TRPM3: variants seen among roughly 807,000 people sequenced by gnomAD.
TRPM3 encodes transient receptor potential cation channel subfamily M member 3, also known as long transient receptor potential channel 3.
TRPM3 carries 77 observed loss-of-function variants against 181.2 expected under a neutral mutation model. The ratio of observed to expected loss-of-function variants is 0.42; its 90% confidence interval spans 0.35 to 0.51. TRPM3 has a LOEUF of 0.51. Ranked by LOEUF, TRPM3 falls within the 20% of genes least tolerant of loss-of-function variation. The probability of loss-of-function intolerance (pLI) is 0.01; values close to 1 mark genes in which losing one functional copy is unlikely to be tolerated. For synonymous variants in TRPM3, 745 were observed against 796.4 expected (o/e 0.94, Z 1.09); for missense variants, 1,759 against 2,196.7 (o/e 0.80, Z 3.98).
intron 1 of TRPM3, among the ~76,000 whole-genome samples, chr9:70,992,595 G>A (rs1157395068): frequency 1.3e-5 from 2 of 152,210 alleles, no homozygotes; most frequent in African/African-American, 4.8e-5. Context: ...GTACAATACA[G>A]TAGCTGCTAG....
chr9:70,671,391 C>T (rs953495131), intron 9 of TRPM3, among the ~76,000 whole-genome samples: 1 of 151,876 alleles, frequency 6.6e-6, no homozygotes, highest in Non-Finnish European at 1.5e-5. Context: ...CCTGGAGCAA[C>T]CTGACCCTTA....
In TRPM3 at chr9:71,121,273, C is replaced by T. The variant is rs923931009; in HGVS notation, c.82G>A (p.Gly28Arg). The part of the protein sequence containing the change: ...SFLFSWWNLE[G>R]VMNQADAPRP... ...GGAGCATCAGCCTGATTCATGACCCCTTCCAAATTCCACCAGGAAAACAAG... is the reference window on the plus strand; with the variant it reads ...GGAGCATCAGCCTGATTCATGACCCTTTCCAAATTCCACCAGGAAAACAAG... Residue 28 changes from glycine (G) to arginine (R), a missense_variant, in exon 1 of 26, where the codon GGG (glycine) becomes AGG (arginine). By Grantham distance (125) the Gly-to-Arg change is moderately radical (BLOSUM62 -2). Transcript: ENST00000677713. 1.1e-5 allele frequency: 17 copies of T among 1,614,036 alleles called. No homozygotes were observed. Among genetic ancestry groups the T allele is most frequent in the South Asian group, 3.3e-5 (3 of 91,084 alleles).
chr9:70,896,406 T>C (rs1183061895), intron 1 of TRPM3, among the ~76,000 whole-genome samples: 1 of 152,190 alleles, frequency 6.6e-6, no homozygotes, highest in East Asian at 1.9e-4. Flanking sequence ...GAAAACATAT[T>C]GGGATCTGGA....
chr9:70,640,560 C>A lies in TRPM3; in HGVS notation c.1446G>T (p.Pro482=). Reference sequence around the variant, plus strand: ...TCATGGGAGACGATATATACTCTACCGGCCACTGTTGCCCGTAAATAAAGA... The same window carrying A: ...TCATGGGAGACGATATATACTCTACAGGCCACTGTTGCCCGTAAATAAAGA... ...SQIFIYGQQW[P]VGSLEQAMLD... Residue 482 remains proline (P), a splice_region_variant and synonymous_variant, in exon 10 of 26, where the codon CCG becomes CCT. Transcript: ENST00000677713. 6.2e-7 allele frequency: 1 copy of A among 1,612,168 alleles called. No homozygotes were observed.
At chr9:70,978,460 G>A (rs1590240082) in intron 1 of TRPM3, among the ~76,000 whole-genome samples, 1 of 152,070 alleles carries the variant, frequency 6.6e-6, no homozygotes, top group South Asian at 2.1e-4. Flanking sequence ...TCTCCTAGGG[G>A]TTTTTTTCTC....
chr9:71,314,903 G>A (rs1172297118), intron 1 of TRPM3, among the ~76,000 whole-genome samples: 3 of 151,876 alleles, frequency 2.0e-5, no homozygotes, highest in Non-Finnish European at 4.4e-5. Context: ...CAGAGGCAGC[G>A]TGGAAGAGAT....
intron 3 of TRPM3, among the ~76,000 whole-genome samples, chr9:70,854,891 A>T (rs2095346521): frequency 6.6e-6 from 1 of 152,214 alleles, no homozygotes; most frequent in Admixed American, 6.5e-5. Flanking sequence ...CTTGGAGGCC[A>T]GTACATCAGC....
intron 1 of TRPM3, among the ~76,000 whole-genome samples, chr9:71,237,839 C>T (rs539750033): frequency 1.3e-5 from 2 of 152,170 alleles, no homozygotes; most frequent in Non-Finnish European, 2.9e-5. Flanking sequence ...TGCTACCTTA[C>T]GTGACAGAAA....
At chr9:71,039,333 CCCAATAGGATG>C (rs2058565390) in intron 1 of TRPM3, among the ~76,000 whole-genome samples, 1 of 152,106 alleles carries the variant, frequency 6.6e-6, no homozygotes, top group African/African-American at 2.4e-5. Context: ...ATGTAAAGAA[CCCAATAGGATG>C]CCAAGCACAT....
At chr9:70,629,212 T>TTGGGGGG (rs1408507379) in intron 12 of TRPM3, among the ~76,000 whole-genome samples, 1 of 808 alleles carries the variant, frequency 1.2e-3, no homozygotes, top group East Asian at 0.17. Context: ...CTGTGACCAG[T>TTGGGGGG]GCCGGGGGGG....
At chr9:71,328,601 T>C (rs2089893054) in intron 1 of TRPM3, among the ~76,000 whole-genome samples, 1 of 152,234 alleles carries the variant, frequency 6.6e-6, no homozygotes, top group African/African-American at 2.4e-5. Context: ...GAAGACTGAT[T>C]TCGATTCCCA....
At chr9:71,009,448 T>C (rs963461640) in intron 1 of TRPM3, among the ~76,000 whole-genome samples, 3 of 152,114 alleles carry the variant, frequency 2.0e-5, no homozygotes, top group African/African-American at 7.2e-5. Flanking sequence ...ACACCAGTAG[T>C]GAACTATCTG....
Position 71,188,177 on chromosome 9 carries a change from C to A in TRPM3, c.183+258476G>T, listed in dbSNP as rs372657672. On this transcript the variant is annotated intron_variant, in intron 1 of 24. Coordinates refer to the TRPM3 transcript ENST00000357533. ...ATAACACTTTTGCTTATGTTTAATT[C>A]TTATGGTAAATGTCAAATTGCTTTC... Among the ~76,000 whole-genome samples, 31 of 151,862 alleles carry A rather than the reference C, an allele frequency of 2.0e-4. No individual in the cohort carries two copies. In the South Asian group the frequency reaches 6.4e-3, roughly 31 times the overall value.
At chr9:71,135,663 C>T (rs1184808835) in intron 1 of TRPM3, among the ~76,000 whole-genome samples, 1 of 152,090 alleles carries the variant, frequency 6.6e-6, no homozygotes, top group African/African-American at 2.4e-5. Context: ...ACCTAGGAGG[C>T]TAAACTTACC....
chr9:70,953,443 A>T (rs548632962), intron 1 of TRPM3, among the ~76,000 whole-genome samples: 3 of 152,326 alleles, frequency 2.0e-5, no homozygotes, highest in Admixed American at 2.0e-4. Flanking sequence ...TAAGGACATG[A>T]CATCATTTTC....
chr9:71,289,158 T>A (rs995093748), intron 1 of TRPM3, among the ~76,000 whole-genome samples: 1 of 145,732 alleles, frequency 6.9e-6, no homozygotes, highest in African/African-American at 2.5e-5. Context: ...AACAAAACAG[T>A]GAGAGAGAGA....
intron 1 of TRPM3, among the ~76,000 whole-genome samples, chr9:71,420,571 GAAGAGA>G (rs1292135519): frequency 2.9e-5 from 4 of 140,324 alleles, no homozygotes; most frequent in Admixed American, 7.3e-5. Flanking sequence ...AAGAAAAAGA[GAAGAGA>G]AAGAGAAAGA....
At chr9:71,419,500 G>A (rs1349133108) in intron 1 of TRPM3, among the ~76,000 whole-genome samples, 2 of 151,880 alleles carry the variant, frequency 1.3e-5, no homozygotes, top group African/African-American at 4.8e-5. Context: ...AAATCAGTCA[G>A]GTATCTAGTC....
intron 1 of TRPM3, among the ~76,000 whole-genome samples, chr9:71,054,911 T>C (rs574254594): frequency 6.6e-6 from 1 of 152,218 alleles, no homozygotes; most frequent in East Asian, 1.9e-4. Context: ...TATAATAACT[T>C]ACAGGGTTAT....
Sources: allele counts gnomAD v4.1 joint callset (sites outside exome capture counted in the v4.1 genomes callset), GRCh38; gene constraint gnomAD v4.1.1; transcripts MANE v1.5; gene names NCBI Gene and HGNC (gene_info 2026-07-23, HGNC 2026-07-21).